The following KAZN variants were observed in gnomAD, a reference collection of about 807,000 sequenced individuals.
KAZN encodes the protein kazrin, periplakin interacting protein, also known as kazrin.
KAZN carries 40 observed loss-of-function variants against 87.4 expected under a neutral mutation model. The observed-to-expected ratio is 0.46, with a 90% CI of 0.36 to 0.60. KAZN has a LOEUF of 0.60. Among genes scored for constraint, KAZN ranks in the 20% least tolerant of loss-of-function variants. The pLI is 0.00. For missense variants in KAZN, 898 were observed against 1,073.9 expected (o/e 0.84, Z 2.29); for synonymous variants, 466 against 458.3 (o/e 1.02, Z -0.22).
intron 1 of KAZN, among the ~76,000 whole-genome samples, chr1:14,062,474 CTT>C (rs1642833829): frequency 6.6e-6 from 1 of 152,088 alleles, no homozygotes; most frequent in African/African-American, 2.4e-5. Context: ...GACGGTAAAA[CTT>C]TGTTTATTCA....
intron 1 of KAZN, among the ~76,000 whole-genome samples, chr1:14,835,906 CAT>C (rs1247139454): frequency 2.0e-5 from 3 of 151,760 alleles, no homozygotes; most frequent in African/African-American, 7.3e-5. Flanking sequence ...CCTGCTGACT[CAT>C]AACCCAGTGA....
intron 1 of KAZN, among the ~76,000 whole-genome samples, chr1:14,952,712 G>A (rs1662644572): frequency 6.6e-6 from 1 of 152,080 alleles, no homozygotes; most frequent in African/African-American, 2.4e-5. Flanking sequence ...TCAGCCTTCA[G>A]CACATTCATC....
chr1:14,074,025 C>T (rs1036423604), intron 1 of KAZN, among the ~76,000 whole-genome samples: 2 of 152,140 alleles, frequency 1.3e-5, no homozygotes, highest in Non-Finnish European at 2.9e-5. Context: ...CAGTCCGGCC[C>T]TCAGGCTGCT....
intron 2 of KAZN, among the ~76,000 whole-genome samples, chr1:14,398,607 G>C (rs139139697): frequency 4.6e-5 from 7 of 152,202 alleles, no homozygotes; most frequent in Admixed American, 6.5e-5. Flanking sequence ...TTCTAAGCTC[G>C]TGTCTTCAGC....
chr1:14,480,506 G>A (rs1009751220), intron 2 of KAZN, among the ~76,000 whole-genome samples: 11 of 150,196 alleles, frequency 7.3e-5, no homozygotes, highest in African/African-American at 1.5e-4. Flanking sequence ...AGGCCTTTAC[G>A]TTGACAAAAT....
chr1:14,002,052 G>A (rs1639816692), intron 1 of KAZN, among the ~76,000 whole-genome samples: 1 of 152,190 alleles, frequency 6.6e-6, no homozygotes, highest in Non-Finnish European at 1.5e-5. Context: ...ACTATTATCA[G>A]AGTGAACAGG....
chr1:15,027,412 C>T (rs572788393), intron 2 of KAZN, among the ~76,000 whole-genome samples: 60 of 152,240 alleles, frequency 3.9e-4, no homozygotes, highest in Non-Finnish European at 6.9e-4. Flanking sequence ...GCTGCCTTGG[C>T]CTAAGAGTTG....
chr1:14,741,356 G>A (rs1467610928), intron 1 of KAZN, among the ~76,000 whole-genome samples: 1 of 152,194 alleles, frequency 6.6e-6, no homozygotes, highest in Non-Finnish European at 1.5e-5. Context: ...GGCACAGGTG[G>A]CTATGGTTGC....
chr1:14,727,583 G>A (rs141969852), intron 1 of KAZN, among the ~76,000 whole-genome samples: 272 of 143,854 alleles, frequency 1.9e-3, no homozygotes, highest in African/African-American at 6.6e-3. Context: ...GGGTTCAAGC[G>A]ATTCTCCTGC....
intron 2 of KAZN, among the ~76,000 whole-genome samples, chr1:14,214,005 G>A (rs543717133): frequency 1.2e-4 from 19 of 152,320 alleles, no homozygotes; most frequent in African/African-American, 2.9e-4. Context: ...CAGATTTGGC[G>A]TGGGCTTAAG....
intron 1 of KAZN, among the ~76,000 whole-genome samples, chr1:14,618,679 T>C (rs567299827): frequency 6.6e-6 from 1 of 152,328 alleles, no homozygotes; most frequent in South Asian, 2.1e-4. Context: ...ACTGTGGGTA[T>C]AGTTGACATT....
chr1:14,052,140 C>T (rs185713243), intron 1 of KAZN, among the ~76,000 whole-genome samples: 35 of 152,306 alleles, frequency 2.3e-4, no homozygotes, highest in African/African-American at 7.0e-4. Flanking sequence ...CACTGGCACC[C>T]GGCTCACATC....
At chr1:14,035,541 C>T (rs897724980) in intron 1 of KAZN, among the ~76,000 whole-genome samples, 1 of 151,556 alleles carries the variant, frequency 6.6e-6, no homozygotes, top group Non-Finnish European at 1.5e-5. Context: ...TTCACTGCAA[C>T]CTCTGCCTCC....
chr1:14,833,535 C>T (rs571521603), intron 1 of KAZN, among the ~76,000 whole-genome samples: 1 of 152,300 alleles, frequency 6.6e-6, no homozygotes. Context: ...TCAGATATCC[C>T]GCCAAGGGGC....
intron 2 of KAZN, among the ~76,000 whole-genome samples, chr1:14,512,217 G>A (rs1670943652): frequency 6.6e-6 from 1 of 152,174 alleles, no homozygotes; most frequent in Non-Finnish European, 1.5e-5. Context: ...ATCTCCTGTG[G>A]CCGCATGTTA....
rs148479945 is a variant in KAZN at position 15,099,730 on chromosome 1, C to G, written c.1548-1813C>G. Among the ~76,000 whole-genome samples, 595 of 152,258 alleles carry G rather than the reference C, an allele frequency of 3.9e-3. 5 individuals carry two copies. Among genetic ancestry groups the G allele is most frequent in the African/African-American group, 0.012 (491 of 41,546 alleles). Reference sequence around the variant, plus strand: ...TGTTGAGCAGGGGAGTGCACGGTCACACTGACATTTTAAAAGGACCCCCTG... The same window carrying G: ...TGTTGAGCAGGGGAGTGCACGGTCAGACTGACATTTTAAAAGGACCCCCTG... On this transcript the variant is annotated intron_variant, in intron 10 of 14. Transcript: ENST00000376030. This position sits in a 1 kb window ranked among gnomAD's most constrained non-coding sequence, Gnocchi z 5.4.
chr1:14,255,204 G>A (rs544070977), intron 2 of KAZN, among the ~76,000 whole-genome samples: 19 of 151,754 alleles, frequency 1.3e-4, no homozygotes, highest in African/African-American at 4.1e-4. Flanking sequence ...GAGAGAGGGA[G>A]TTGGGGGGCG....
In KAZN at chr1:14,622,008, C is replaced by T. The variant is rs1678734419; in HGVS notation, c.226+22785C>T. Among the ~76,000 whole-genome samples the T allele has an allele frequency of 3.3e-5, 5 of 152,220 alleles. No individual in the cohort carries two copies. The East Asian group carries it at 5.8e-4, about 18-fold the overall frequency. ...AAAGTATAAGAGCCCTGGGACCAGG[C>T]TGTTCTAACTTGCACATTGCAGACA... On this transcript the variant is annotated intron_variant, in intron 1 of 14. Transcript: ENST00000376030.
At chr1:14,075,718 G>A (rs183903212) in intron 1 of KAZN, among the ~76,000 whole-genome samples, 1 of 152,300 alleles carries the variant, frequency 6.6e-6, no homozygotes, top group East Asian at 1.9e-4. Flanking sequence ...ACCCAAGACA[G>A]TCTGCACCAG....
Sources: allele counts gnomAD v4.1 joint callset (sites outside exome capture counted in the v4.1 genomes callset), GRCh38; gene constraint gnomAD v4.1.1; non-coding constraint Gnocchi (gnomAD v3.1); transcripts MANE v1.5; gene names NCBI Gene and HGNC (gene_info 2026-07-23, HGNC 2026-07-21).